The following ANKRD44 variants were observed in gnomAD, a reference collection of about 807,000 sequenced individuals.
ANKRD44 encodes the protein ankyrin repeat domain 44, also known as serine/threonine-protein phosphatase 6 regulatory ankyrin repeat subunit B.
ANKRD44 carries 35 observed loss-of-function variants against 116.0 expected under a neutral mutation model. The ratio of observed to expected loss-of-function variants is 0.30; its 90% CI spans 0.23 to 0.40. The LOEUF (loss-of-function observed/expected upper bound fraction) is 0.40, where lower values mean the gene tolerates loss of function less well. Ranked by LOEUF, ANKRD44 falls within the 10% of genes least tolerant of loss-of-function variation. The pLI is 1.00. For synonymous variants in ANKRD44, 435 were observed against 461.8 expected (o/e 0.94, Z 0.74); for missense variants, 1,014 against 1,242.6 (o/e 0.82, Z 2.77).
intron 1 of ANKRD44, among the ~76,000 whole-genome samples, chr2:197,190,407 A>G (rs545777604): frequency 6.6e-6 from 1 of 152,370 alleles, no homozygotes; most frequent in South Asian, 2.1e-4. Context: ...AACTTCACAG[A>G]TAACGTGCTT....
At chr2:197,310,044 C>A (rs962388409) in intron 1 of ANKRD44, among the ~76,000 whole-genome samples, 2 of 152,218 alleles carry the variant, frequency 1.3e-5, no homozygotes, top group Non-Finnish European at 1.5e-5. Context: ...CCGCACCACG[C>A]ACACAGCCTG....
At chr2:197,083,319 C>A in intron 14 of ANKRD44, 50 bp downstream of exon 14, 1 of 1,549,858 alleles carries the variant, frequency 6.5e-7, no homozygotes, top group Non-Finnish European at 8.7e-7. Context: ...TCCTTCCCCA[C>A]CACTCCCCAA....
chr2:197,072,312 C>A (rs2077578561), intron 16 of ANKRD44, among the ~76,000 whole-genome samples: 1 of 150,962 alleles, frequency 6.6e-6, no homozygotes, highest in Non-Finnish European at 1.5e-5. Flanking sequence ...GAAGAAATTA[C>A]AGAGAAATGT....
At chr2:197,205,063 A>C (rs2081176627) in intron 1 of ANKRD44, among the ~76,000 whole-genome samples, 1 of 152,226 alleles carries the variant, frequency 6.6e-6, no homozygotes, top group African/African-American at 2.4e-5. Context: ...TTTGGGTCAG[A>C]AGTTGGACTA....
intron 25 of ANKRD44, among the ~76,000 whole-genome samples, chr2:196,996,570 T>C (rs1357919850): frequency 6.6e-6 from 1 of 152,182 alleles, no homozygotes; most frequent in East Asian, 1.9e-4. Flanking sequence ...TGTTGGAAGG[T>C]AAACTGTTGT....
At chr2:197,266,076 A>C (rs570486549) in intron 1 of ANKRD44, among the ~76,000 whole-genome samples, 3 of 152,166 alleles carry the variant, frequency 2.0e-5, no homozygotes, top group African/African-American at 7.2e-5. Context: ...AAAGCTGTAC[A>C]TGAAGGCGTT....
At chr2:196,974,452 A>C (rs774747938) in intron 21 of ANKRD44, among the ~76,000 whole-genome samples, 4 of 152,214 alleles carry the variant, frequency 2.6e-5, no homozygotes, top group African/African-American at 2.4e-5. Flanking sequence ...AAATATTTTG[A>C]GAACAATGAA....
chr2:197,001,866 G>T, intron 21 of ANKRD44, 26 bp from the exon 22 acceptor site: 1 of 1,562,654 alleles, frequency 6.4e-7, no homozygotes, highest in South Asian at 1.1e-5. Flanking sequence ...ATAATTTAGG[G>T]AGTTTCCAAG....
chr2:197,307,815 C>T (rs567639039), intron 1 of ANKRD44, among the ~76,000 whole-genome samples: 26 of 152,218 alleles, frequency 1.7e-4, no homozygotes, highest in Admixed American at 1.0e-3. Context: ...TTCAGGTTAT[C>T]AACAGTAAAA....
intron 1 of ANKRD44, among the ~76,000 whole-genome samples, chr2:197,246,143 T>C (rs2082185290): frequency 6.6e-6 from 1 of 152,134 alleles, no homozygotes; most frequent in Admixed American, 6.6e-5. Flanking sequence ...ATCCCATGAA[T>C]GACTGTGCCC....
chr2:197,014,676 C>T (rs2076356949), intron 17 of ANKRD44, among the ~76,000 whole-genome samples: 2 of 151,796 alleles, frequency 1.3e-5, no homozygotes, highest in Non-Finnish European at 2.9e-5. Context: ...ATCCCAGCTA[C>T]TCGGGAGGCT....
intron 1 of ANKRD44, among the ~76,000 whole-genome samples, chr2:197,205,281 T>C (rs1251396753): frequency 1.3e-5 from 2 of 152,204 alleles, no homozygotes; most frequent in Non-Finnish European, 2.9e-5. Flanking sequence ...TCTTTGACTG[T>C]AACACTGGAA....
intron 1 of ANKRD44, among the ~76,000 whole-genome samples, chr2:197,235,998 A>C (rs988013295): frequency 2.0e-5 from 3 of 152,164 alleles, no homozygotes; most frequent in African/African-American, 7.2e-5. Flanking sequence ...TTTAAGAGAC[A>C]CCTGGACAAA....
At chr2:197,154,124 T>C (rs1270659418) in intron 2 of ANKRD44, among the ~76,000 whole-genome samples, 1 of 152,080 alleles carries the variant, frequency 6.6e-6, no homozygotes, top group Non-Finnish European at 1.5e-5. Flanking sequence ...CCAGTTACAT[T>C]TTAGTTCCTT....
chr2:197,052,482 AAG>A (rs770772643), intron 16 of ANKRD44, among the ~76,000 whole-genome samples: 10 of 152,154 alleles, frequency 6.6e-5, no homozygotes, highest in Non-Finnish European at 1.5e-4. Context: ...GCTCAGAGGA[AAG>A]AGTGTTATCA....
chr2:197,110,789 C>T lies in ANKRD44; in HGVS notation c.962G>A (p.Arg321Gln). The T allele has an allele frequency of 2.5e-6, 4 of 1,613,782 alleles. No homozygotes were observed. The highest frequency in any genetic ancestry group is 3.4e-6 in the Non-Finnish European group (4 of 1,179,782). Reference protein sequence around the residue: ...HMTAVHGRFTRSQTLIQNGGE... With the variant: ...HMTAVHGRFTQSQTLIQNGGE... ...ACCATTCTGAATGAGGGTCTGTGAC[C>T]GTGTGAACCTTCCATGGACAGCTGT... The change falls in exon 9 of 28, where the codon CGG (arginine) becomes CAG (glutamine). Residue 321 changes from arginine to glutamine, a missense_variant. Transcript: ENST00000282272.
Position 196,989,379 on chromosome 2 carries a change from C to A in ANKRD44, c.*212G>T. 1 of 1,129,332 alleles carries A rather than the reference C, an allele frequency of 8.9e-7. No individual in the cohort carries two copies. The highest frequency in any genetic ancestry group is 1.1e-6 in the Non-Finnish European group (1 of 921,406). The allele number at this position is 1,129,332 out of a possible 1,614,324, so 70.0% of individuals were successfully genotyped here. A position where few individuals can be genotyped will look rare whatever the true frequency, so the allele number is the denominator to read the frequency against. On this transcript the variant is annotated 3_prime_UTR_variant, in exon 28 of 28. Coordinates refer to ENST00000282272, the MANE Select transcript of ANKRD44 (RefSeq NM_001195144.2). ...ATATAAAATACAACAAAGACTGGTACACAGAAAGATTACATTTAACTCCAT... is the reference window on the plus strand; with the variant it reads ...ATATAAAATACAACAAAGACTGGTAAACAGAAAGATTACATTTAACTCCAT...
At chr2:197,096,901 C>G (rs1022735961) in intron 10 of ANKRD44, among the ~76,000 whole-genome samples, 4 of 152,124 alleles carry the variant, frequency 2.6e-5, no homozygotes, top group African/African-American at 9.7e-5. Context: ...TACACACACA[C>G]ATACAATCAC....
chr2:197,252,759 A>C (rs1288759806), intron 1 of ANKRD44, among the ~76,000 whole-genome samples: 1 of 152,226 alleles, frequency 6.6e-6, no homozygotes, highest in African/African-American at 2.4e-5. Flanking sequence ...CTAAATCTTT[A>C]TAAGAACCAT....
Sources: gnomAD v4.1 joint callset for allele counts (sites outside exome capture counted in the v4.1 genomes callset) on GRCh38, gnomAD v4.1.1 for gene constraint, MANE v1.5 for transcripts, NCBI Gene and HGNC (gene_info 2026-07-23, HGNC 2026-07-21) for gene names.